The following FMO1 variants were observed in gnomAD, a reference collection of about 807,000 sequenced individuals.
FMO1 encodes the protein flavin containing dimethylaniline monoxygenase 1, also known as flavin-containing monooxygenase 1.
FMO1 carries 36 observed loss-of-function variants against 45.4 expected under a neutral mutation model. The ratio of observed to expected loss-of-function variants is 0.79; its 90% CI spans 0.61 to 1.05. The LOEUF is 1.05. Among genes scored for constraint, FMO1 ranks in the 50% least tolerant of loss-of-function variants. The pLI, the probability that FMO1 is intolerant of heterozygous loss-of-function variation, is 0.00. For missense variants in FMO1, 615 were observed against 640.3 expected (o/e 0.96, Z 0.43); for synonymous variants, 228 against 227.2 (o/e 1.00, Z -0.03).
chr1:171,278,834 C>T lies in FMO1; in HGVS notation c.590C>T (p.Thr197Ile). 6.2e-7 allele frequency: 1 copy of T among 1,612,722 alleles called. No individual in the cohort carries two copies. Among genetic ancestry groups the T allele is most frequent in the Non-Finnish European group, 8.5e-7 (1 of 1,179,056 alleles). Residue 197 changes from threonine to isoleucine, a missense_variant, in exon 5 of 9, where the codon ACA (threonine) becomes ATA (isoleucine). By Grantham distance (89) the Thr-to-Ile change is moderately conservative (BLOSUM62 -1). Transcript: ENST00000617670. ...GTGATTGGAATGGGAAATTCTGGCA[C>T]AGACATTGCTGTGGAGGCCAGCCAC... Reference protein sequence around the residue: ...VLVIGMGNSGTDIAVEASHLA... With the variant: ...VLVIGMGNSGIDIAVEASHLA...
chr1:171,272,326 G>T (rs892829577), intron 3 of FMO1, among the ~76,000 whole-genome samples: 2 of 152,254 alleles, frequency 1.3e-5, no homozygotes, highest in African/African-American at 4.8e-5. Flanking sequence ...TGCTGCAGGG[G>T]CAGGGATCTC....
intron 3 of FMO1, chr1:171,271,584 C>T (rs1327964072): frequency 5.1e-6 from 4 of 789,550 alleles, no homozygotes; most frequent in African/African-American, 5.0e-5. Context: ...ATCTCCTTTG[C>T]CAATGTTTAG....
chr1:171,265,796 G>A (rs1467424794), intron 2 of FMO1, among the ~76,000 whole-genome samples: 1 of 152,214 alleles, frequency 6.6e-6, no homozygotes, highest in Admixed American at 6.5e-5. Flanking sequence ...TGGTTTGAAT[G>A]GATGGCAATG....
At chr1:171,265,023 G>T (rs1660555906) in intron 2 of FMO1, among the ~76,000 whole-genome samples, 1 of 152,226 alleles carries the variant, frequency 6.6e-6, no homozygotes, top group East Asian at 1.9e-4. Context: ...CTGAGCTACA[G>T]AGCTGTGCTT....
At chr1:171,253,107 G>GA (rs1353211264) in intron 1 of FMO1, among the ~76,000 whole-genome samples, 1 of 151,570 alleles carries the variant, frequency 6.6e-6, no homozygotes, top group Non-Finnish European at 1.5e-5. Flanking sequence ...AAACTTAAAA[G>GA]AAAAAAACAA....
chr1:171,260,513 T>C (rs1485530666), intron 2 of FMO1, among the ~76,000 whole-genome samples: 2 of 151,922 alleles, frequency 1.3e-5, no homozygotes, highest in East Asian at 3.9e-4. Context: ...AGAGAAATTT[T>C]GAGGTAGAGG....
At chr1:171,265,569 G>A (rs544694660) in intron 2 of FMO1, among the ~76,000 whole-genome samples, 2 of 152,148 alleles carry the variant, frequency 1.3e-5, no homozygotes, top group South Asian at 2.1e-4. Context: ...TACAAAAAAT[G>A]AACACATTGT....
intron 1 of FMO1, among the ~76,000 whole-genome samples, chr1:171,253,562 G>A (rs1001210307): frequency 1.3e-5 from 2 of 151,986 alleles, no homozygotes; most frequent in African/African-American, 4.8e-5. Context: ...GGGAGTTCGA[G>A]ACCAGCCTAA....
At chr1:171,275,198 C>T (rs573955950) in intron 3 of FMO1, 148 bp from the exon 4 acceptor site, 35 of 568,956 alleles carry the variant, frequency 6.2e-5, no homozygotes, top group Admixed American at 1.0e-4. Context: ...ATGATTAGTC[C>T]GGTAACCTGA....
chr1:171,272,603 T>C (rs1429340971), intron 3 of FMO1, among the ~76,000 whole-genome samples: 2 of 152,308 alleles, frequency 1.3e-5, no homozygotes, highest in African/African-American at 4.8e-5. Context: ...ACCCACCTCT[T>C]GCAACAGTGT....
At chr1:171,274,977 A>G (rs1187059403) in intron 3 of FMO1, among the ~76,000 whole-genome samples, 1 of 152,246 alleles carries the variant, frequency 6.6e-6, no homozygotes, top group Non-Finnish European at 1.5e-5. Context: ...TTACCCATGT[A>G]TCTGTCAAAG....
chr1:171,251,520 T>C (rs967306667), intron 1 of FMO1: 3 of 151,724 alleles, frequency 2.0e-5, no homozygotes, highest in African/African-American at 7.3e-5. Context: ...GTTCTTTTCT[T>C]ACCTTCGTTT....
Position 171,282,026 on chromosome 1 carries a change from C to T in FMO1, c.876C>T (p.Ile292=), listed in dbSNP as rs762916050. 8 of 1,613,206 alleles carry T rather than the reference C, an allele frequency of 5.0e-6. No individual in the cohort carries two copies. The South Asian group carries it at 7.7e-5, about 16-fold the overall frequency. ...TAAATGATGAGCTCCCAGGACGCAT[C>T]ATCACTGGGAAAGTGTTCATCAGGC... The part of the protein sequence containing the change: ...FVLNDELPGR[I]ITGKVFIRPS... Residue 292 remains isoleucine, a synonymous_variant, in exon 7 of 9, where the codon ATC becomes ATT. Coordinates refer to ENST00000617670, the MANE Select transcript of FMO1 (RefSeq NM_001282693.2).
At chr1:171,253,322 G>A (rs1198152460) in intron 1 of FMO1, among the ~76,000 whole-genome samples, 4 of 152,054 alleles carry the variant, frequency 2.6e-5, no homozygotes, top group Non-Finnish European at 5.9e-5. Flanking sequence ...AAATTTTCAA[G>A]TCAGACATCC....
At chr1:171,251,311 C>T (rs10912661) in intron 1 of FMO1, among the ~76,000 whole-genome samples, 48,395 of 151,588 alleles carry the variant, frequency 0.32, 7,796 homozygotes, top group African/African-American at 0.39. Context: ...GTGGCTCGGA[C>T]CCTCAGCTGG....
At chr1:171,264,816 G>T (rs1660541741) in intron 2 of FMO1, among the ~76,000 whole-genome samples, 1 of 151,766 alleles carries the variant, frequency 6.6e-6, no homozygotes, top group South Asian at 2.1e-4. Context: ...GGAGAAAGTC[G>T]TGAACCCAGG....
chr1:171,273,619 C>T (rs1441151886), intron 3 of FMO1, among the ~76,000 whole-genome samples: 1 of 152,078 alleles, frequency 6.6e-6, no homozygotes, highest in Non-Finnish European at 1.5e-5. Context: ...GAAATCCTCC[C>T]ACTTCAGCCT....
At chr1:171,260,058 A>T (rs1332125644) in intron 2 of FMO1, among the ~76,000 whole-genome samples, 1 of 152,212 alleles carries the variant, frequency 6.6e-6, no homozygotes, top group Non-Finnish European at 1.5e-5. Flanking sequence ...CAGGTAGACA[A>T]GATTGAGCAG....
intron 8 of FMO1, 93 bp downstream of exon 8, chr1:171,283,309 A>C: frequency 1.7e-6 from 1 of 572,274 alleles, no homozygotes; most frequent in Non-Finnish European, 2.8e-6. Context: ...GAAATGAAAA[A>C]GAAAAAAAAA....
Sources: gnomAD v4.1 joint callset for allele counts (sites outside exome capture counted in the v4.1 genomes callset) on GRCh38, gnomAD v4.1.1 for gene constraint, MANE v1.5 for transcripts, NCBI Gene and HGNC (gene_info 2026-07-23, HGNC 2026-07-21) for gene names.